COL4A2: variants seen among roughly 807,000 people sequenced by gnomAD.
COL4A2 encodes collagen type IV alpha 2 chain, also known as collagen alpha-2(IV) chain.
In COL4A2, 99 loss-of-function variants were observed where a neutral mutation model predicts 200.2. The observed-to-expected ratio is 0.49, with a 90% CI of 0.42 to 0.58. The LOEUF (loss-of-function observed/expected upper bound fraction) is 0.58, where lower values mean the gene tolerates loss of function less well. Ranked by LOEUF, COL4A2 falls within the 20% of genes least tolerant of loss-of-function variation. The pLI is 0.00. For missense variants in COL4A2, 1,950 were observed against 2,314.1 expected, an observed-to-expected ratio of 0.84 and a Z score of 3.23; for synonymous variants, 897 against 900.6, an observed-to-expected ratio of 1.00 and a Z score of 0.07.
intron 4 of COL4A2, among the ~76,000 whole-genome samples, chr13:110,421,176 A>C (rs1350188030): frequency 6.6e-6 from 1 of 152,198 alleles, no homozygotes; most frequent in Non-Finnish European, 1.5e-5. Context: ...TGGAAAAAGA[A>C]ATTTAGCAAT....
intron 4 of COL4A2, among the ~76,000 whole-genome samples, chr13:110,387,509 C>G (rs898564285): frequency 2.6e-5 from 4 of 152,172 alleles, no homozygotes; most frequent in Non-Finnish European, 5.9e-5. Flanking sequence ...AGCCAAGTGT[C>G]GGCCGCATTC....
At chr13:110,402,580 G>T (rs1175469156) in intron 4 of COL4A2, among the ~76,000 whole-genome samples, 2 of 152,194 alleles carry the variant, frequency 1.3e-5, no homozygotes, top group African/African-American at 4.8e-5. Context: ...CTGGGTGCTG[G>T]GGGCAGCCCC....
chr13:110,501,472 G>A (rs1169216969), intron 40 of COL4A2, among the ~76,000 whole-genome samples, 196 bp from the exon 41 acceptor site: 1 of 152,156 alleles, frequency 6.6e-6, no homozygotes, highest in Admixed American at 6.5e-5. Context: ...GGTTCACATA[G>A]CCCCTGCCCC....
chr13:110,474,707 A>G (rs1463293833), intron 29 of COL4A2, among the ~76,000 whole-genome samples: 1 of 105,278 alleles, frequency 9.5e-6, no homozygotes, highest in Non-Finnish European at 2.1e-5. Context: ...GCCTGTGTAC[A>G]CTCACATGAT....
chr13:110,485,061 G>T, intron 33 of COL4A2, 34 bp downstream of exon 33: 2 of 1,538,422 alleles, frequency 1.3e-6, no homozygotes, highest in Admixed American at 1.9e-5. Flanking sequence ...GGGGCCCCTA[G>T]TCCCTGCCGC....
chr13:110,308,577 G>T (rs1167688392), intron 3 of COL4A2, among the ~76,000 whole-genome samples: 1 of 152,166 alleles, frequency 6.6e-6, no homozygotes, highest in Non-Finnish European at 1.5e-5. Flanking sequence ...GGGTAAAGGG[G>T]CGGGGCGAGG....
Position 110,432,309 on chromosome 13 carries a change from CTTTGTA to C in COL4A2, c.649-9_649-4del. 1.9e-6 allele frequency: 3 copies of C among 1,600,722 alleles called. No individual in the cohort carries two copies. Among genetic ancestry groups the C allele is most frequent in the Non-Finnish European group, 2.6e-6 (3 of 1,175,526 alleles). On this transcript the variant is annotated splice_polypyrimidine_tract_variant and intron_variant, in intron 10 of 47. Coordinates refer to ENST00000360467, the MANE Select transcript of COL4A2 (RefSeq NM_001846.4). ...GGTAAAGAAAACCATTTACACATTT[CTTTGTA>C]TTTGTACAGGGACCACCTGGACCCC...
At chr13:110,415,381 G>T (rs1221138700) in intron 4 of COL4A2, among the ~76,000 whole-genome samples, 1 of 152,190 alleles carries the variant, frequency 6.6e-6, no homozygotes, top group African/African-American at 2.4e-5. Context: ...GACAATGGTG[G>T]TTATCAAGCA....
chr13:110,509,258 TATATATATATATAC>T (rs1026648268), intron 47 of COL4A2, among the ~76,000 whole-genome samples: 12 of 119,052 alleles, frequency 1.0e-4, no homozygotes, highest in African/African-American at 3.2e-4. Flanking sequence ...TATATATATA[TATATATATATATAC>T]ACACACACAC....
intron 4 of COL4A2, among the ~76,000 whole-genome samples, chr13:110,360,056 G>T (rs957450214): frequency 2.6e-5 from 4 of 152,194 alleles, no homozygotes; most frequent in African/African-American, 9.7e-5. Context: ...AAATTCCCCT[G>T]GGTCTCATGC....
rs578125359 is a variant in COL4A2 at position 110,437,038 on chromosome 13, G to A, written c.825+671G>A. ...AAACACTCAGTACCATGTCGGGCAC[G>A]CAGAATATCTGGGAACTAAAATAGA... On this transcript the variant is annotated intron_variant, in intron 13 of 47. Coordinates refer to ENST00000360467, the MANE Select transcript of COL4A2 (RefSeq NM_001846.4). 2.6e-4 allele frequency among the ~76,000 whole-genome samples: 40 copies of A among 152,336 alleles called. No individual in the cohort carries two copies. In the South Asian group the frequency reaches 6.8e-3, roughly 26 times the overall value.
intron 4 of COL4A2, among the ~76,000 whole-genome samples, chr13:110,392,736 A>G (rs1227157900): frequency 6.6e-6 from 1 of 152,144 alleles, no homozygotes; most frequent in Non-Finnish European, 1.5e-5. Flanking sequence ...ATTGTTGGCC[A>G]TTTCCTGCTC....
chr13:110,310,685 G>A (rs993070804), intron 3 of COL4A2, among the ~76,000 whole-genome samples: 5 of 152,060 alleles, frequency 3.3e-5, no homozygotes, highest in African/African-American at 7.2e-5. Context: ...TCTTTCCTGC[G>A]TAGGTCAGTT....
At chr13:110,395,752 C>T (rs890436384) in intron 4 of COL4A2, among the ~76,000 whole-genome samples, 2 of 152,160 alleles carry the variant, frequency 1.3e-5, no homozygotes, top group African/African-American at 4.8e-5. Context: ...CGAGACCAGC[C>T]TGGCCAATAT....
At chr13:110,386,595 A>G (rs1878761703) in intron 4 of COL4A2, among the ~76,000 whole-genome samples, 1 of 152,222 alleles carries the variant, frequency 6.6e-6, no homozygotes, top group African/African-American at 2.4e-5. Context: ...GAGAAGTGCT[A>G]TTGCTATTAT....
chr13:110,448,308 C>A (rs1881404417), intron 18 of COL4A2, among the ~76,000 whole-genome samples: 2 of 152,216 alleles, frequency 1.3e-5, no homozygotes, highest in Admixed American at 1.3e-4. Flanking sequence ...CCAACTCTCA[C>A]CAACCCCTCC....
rs1417259160 is a variant in COL4A2, at chr13:110,462,327, C to T, written c.1719C>T (p.Asp573=). 4.3e-6 allele frequency: 7 copies of T among 1,614,164 alleles called. No homozygotes were observed. The highest frequency in any genetic ancestry group is 3.3e-5 in the South Asian group (3 of 91,086). ...CAGGTGTGCCCGGGATGAAAGGTGA[C>T]GATGGCAGCCCAGGCCGCGATGGGC... ...GVPGVPGMKG[D]DGSPGRDGLD... Residue 573 remains aspartate, a synonymous_variant, in exon 24 of 48, where the codon GAC becomes GAT. Coordinates refer to ENST00000360467, the MANE Select transcript of COL4A2 (RefSeq NM_001846.4).
At chr13:110,398,174 A>G (rs1042275948) in intron 4 of COL4A2, among the ~76,000 whole-genome samples, 4 of 129,726 alleles carry the variant, frequency 3.1e-5, no homozygotes, top group African/African-American at 8.8e-5. Flanking sequence ...GGTTGTTTCT[A>G]TTGCTATTTT....
chr13:110,503,124 A>G lies in COL4A2; in HGVS notation c.3881A>G (p.Tyr1294Cys). 6.2e-7 allele frequency: 1 copy of G among 1,613,538 alleles called. No homozygotes were observed. Among genetic ancestry groups the G allele is most frequent in the Non-Finnish European group, 8.5e-7 (1 of 1,179,868 alleles). Residue 1294 changes from tyrosine to cysteine, a missense_variant, in exon 42 of 48, where the codon TAT (tyrosine) becomes TGT (cysteine). Tyr to Cys is a radical substitution (Grantham distance 194). Coordinates refer to ENST00000360467, the MANE Select transcript of COL4A2 (RefSeq NM_001846.4). ...TTCTTGTCCCTAATGCCAACAGGTT[A>G]TCGGGGCCCACCAGGGCCACCAGGT... is the stretch of plus-strand genomic sequence containing the variant. The part of the protein sequence containing the change: ...GAPGIFGLKG[Y>C]RGPPGPPGSA...
Sources: gnomAD v4.1 joint callset for allele counts (sites outside exome capture counted in the v4.1 genomes callset) on GRCh38, gnomAD v4.1.1 for gene constraint, MANE v1.5 for transcripts, NCBI Gene and HGNC (gene_info 2026-07-23, HGNC 2026-07-21) for gene names.